SLIT2: variants seen among roughly 807,000 people sequenced by gnomAD.
The protein encoded by SLIT2 is slit homolog 2 protein.
Under a neutral mutation model 185.7 loss-of-function variants are expected in SLIT2, and 41 were observed. The ratio of observed to expected loss-of-function variants is 0.22; its 90% CI spans 0.17 to 0.29. SLIT2 has a LOEUF of 0.29. SLIT2 is among the 10% of genes least tolerant of loss of function. The probability of loss-of-function intolerance (pLI) is 1.00; values close to 1 mark genes in which losing one functional copy is unlikely to be tolerated. For synonymous variants in SLIT2, 693 were observed against 680.2 expected (o/e 1.02, Z -0.29); for missense variants, 1,571 against 1,909.0 (o/e 0.82, Z 3.30).
chr4:20,423,370 T>C (rs1728308254), intron 4 of SLIT2, among the ~76,000 whole-genome samples: 1 of 149,446 alleles, frequency 6.7e-6, no homozygotes, highest in Non-Finnish European at 1.5e-5. Flanking sequence ...CATCCCCGAA[T>C]ATTTACCAAA....
At chr4:20,350,800 T>TG (rs1377695191) in intron 4 of SLIT2, among the ~76,000 whole-genome samples, 1 of 152,146 alleles carries the variant, frequency 6.6e-6, no homozygotes, top group Non-Finnish European at 1.5e-5. Flanking sequence ...GAGACCAGCT[T>TG]GGGCAAGAAG....
chr4:20,466,099 A>C (rs1161612775), intron 4 of SLIT2, among the ~76,000 whole-genome samples: 3 of 152,136 alleles, frequency 2.0e-5, no homozygotes, highest in South Asian at 4.1e-4. Context: ...TCTTGAATGC[A>C]AAGTTTTCCT....
chr4:20,363,917 A>G (rs1330054595), intron 4 of SLIT2, among the ~76,000 whole-genome samples: 3 of 152,180 alleles, frequency 2.0e-5, no homozygotes, highest in Admixed American at 2.0e-4. Context: ...TGGGATGTGT[A>G]GAAAAACTGC....
chr4:20,503,452 A>T (rs2148816010), intron 9 of SLIT2, among the ~76,000 whole-genome samples: 1 of 152,264 alleles, frequency 6.6e-6, no homozygotes, highest in South Asian at 2.1e-4. Flanking sequence ...AAACAACAAA[A>T]CTTCTAAGTG....
chr4:20,255,745 A>T (rs1332968053), intron 1 of SLIT2, among the ~76,000 whole-genome samples: 1 of 152,224 alleles, frequency 6.6e-6, no homozygotes, highest in Non-Finnish European at 1.5e-5. Flanking sequence ...ATGAGGGATG[A>T]ACAAAAAGTT....
intron 4 of SLIT2, among the ~76,000 whole-genome samples, chr4:20,370,134 G>A (rs1006569444): frequency 1.3e-5 from 2 of 151,920 alleles, no homozygotes; most frequent in African/African-American, 2.4e-5. Context: ...ATCTGATAAA[G>A]TTTGAGAACC....
At chr4:20,305,267 C>G (rs1717430604) in intron 4 of SLIT2, among the ~76,000 whole-genome samples, 1 of 151,946 alleles carries the variant, frequency 6.6e-6, no homozygotes. Context: ...CCCACACAGA[C>G]ATATATACAC....
intron 9 of SLIT2, among the ~76,000 whole-genome samples, chr4:20,505,243 G>A (rs61789454): frequency 1.5e-3 from 233 of 152,070 alleles, no homozygotes; most frequent in Non-Finnish European, 2.5e-3. Flanking sequence ...GAGACACAGC[G>A]AAAGAAAATA....
intron 4 of SLIT2, among the ~76,000 whole-genome samples, chr4:20,347,901 C>A (rs1020510011): frequency 4.6e-5 from 7 of 152,156 alleles, no homozygotes; most frequent in African/African-American, 1.7e-4. Flanking sequence ...TATTCTCTAA[C>A]ACACTAGAAA....
intron 4 of SLIT2, among the ~76,000 whole-genome samples, chr4:20,405,036 C>A (rs144388608): frequency 1.3e-5 from 2 of 151,824 alleles, no homozygotes; most frequent in Admixed American, 6.6e-5. Context: ...AAAGACTCTT[C>A]TTGTGCTAAG....
intron 9 of SLIT2, among the ~76,000 whole-genome samples, chr4:20,506,294 C>A (rs1037370182): frequency 6.6e-6 from 1 of 151,972 alleles, no homozygotes; most frequent in Non-Finnish European, 1.5e-5. Context: ...GAAGGACTGA[C>A]ATTTGAAAAT....
chr4:20,606,614 G>A (rs1314175053), intron 33 of SLIT2, among the ~76,000 whole-genome samples: 2 of 152,120 alleles, frequency 1.3e-5, no homozygotes, highest in Admixed American at 6.6e-5. Context: ...GGAAGTTCTG[G>A]TGTGATCAGA....
intron 4 of SLIT2, among the ~76,000 whole-genome samples, chr4:20,443,877 GAC>G (rs1390466643): frequency 1.3e-5 from 2 of 152,190 alleles, no homozygotes; most frequent in Non-Finnish European, 2.9e-5. Flanking sequence ...AGAACCAGGA[GAC>G]ACAGCCAGAG....
chr4:20,525,198 A>G (rs1258415712), intron 15 of SLIT2, 26 bp downstream of exon 15: 1 of 1,548,890 alleles, frequency 6.5e-7, no homozygotes, highest in Non-Finnish European at 8.9e-7. Flanking sequence ...TAGTAGGACT[A>G]ACTACAGACA....
chr4:20,456,627 T>A (rs559686987), intron 4 of SLIT2, among the ~76,000 whole-genome samples: 146 of 152,292 alleles, frequency 9.6e-4, no homozygotes, highest in Non-Finnish European at 1.3e-3. Flanking sequence ...AGGATCACAT[T>A]TTTTATGTGT....
intron 9 of SLIT2, among the ~76,000 whole-genome samples, chr4:20,509,898 T>G (rs1719552211): frequency 6.6e-6 from 1 of 152,212 alleles, no homozygotes. Flanking sequence ...ATGTGAAATA[T>G]TCACAAAATG....
chr4:20,254,929 C>T lies in SLIT2; in HGVS notation c.179+935C>T, dbSNP rs994940645. 4.4e-6 allele frequency: 2 copies of T among 456,200 alleles called. No homozygotes were observed. Among genetic ancestry groups the T allele is most frequent in the Non-Finnish European group, 8.8e-6 (2 of 226,982 alleles). 28.3% of individuals were successfully genotyped at this position (456,200 alleles called of 1,614,324 possible). A position where few individuals can be genotyped will look rare whatever the true frequency, so the allele number is the denominator to read the frequency against. ...TCCCCGCCTCCCTGTCTTTGCGAGT[C>T]TCTAATGAAGAAGTAAATGCAGACC... On this transcript the variant is annotated intron_variant, in intron 1 of 36. Transcript: ENST00000504154. The surrounding 1 kb of genome is among the most constrained non-coding windows in gnomAD (Gnocchi z 5.1).
intron 9 of SLIT2, among the ~76,000 whole-genome samples, chr4:20,492,707 T>G (rs1410105843): frequency 6.6e-6 from 1 of 152,320 alleles, no homozygotes; most frequent in Middle Eastern, 3.4e-3. Flanking sequence ...TAAATTATCT[T>G]GGATTTTTGG....
chr4:20,492,188 TG>T (rs1344866522), intron 9 of SLIT2, among the ~76,000 whole-genome samples: 3 of 152,338 alleles, frequency 2.0e-5, no homozygotes, highest in Non-Finnish European at 4.4e-5. Flanking sequence ...CCTGTACATC[TG>T]TGGTTGTCCA....
Sources: allele counts gnomAD v4.1 joint callset (sites outside exome capture counted in the v4.1 genomes callset), GRCh38; gene constraint gnomAD v4.1.1; non-coding constraint Gnocchi (gnomAD v3.1); transcripts MANE v1.5; gene names NCBI Gene and HGNC (gene_info 2026-07-23, HGNC 2026-07-21).